The following LMBRD2 variants were observed in gnomAD, a reference collection of about 807,000 sequenced individuals.
The protein encoded by LMBRD2 is LMBR1 domain containing 2, also known as G protein-coupled receptor-associated protein LMBRD2.
LMBRD2 carries 55 observed loss-of-function variants against 94.4 expected under a neutral mutation model. The observed-to-expected ratio is 0.58, with a 90% confidence interval of 0.47 to 0.73. The LOEUF (loss-of-function observed/expected upper bound fraction) is 0.73. Ranked by LOEUF, LMBRD2 falls within the 30% of genes least tolerant of loss-of-function variation. The pLI, the probability that LMBRD2 is intolerant of heterozygous loss-of-function variation, is 0.00. For missense variants in LMBRD2, 640 were observed against 831.9 expected, an observed-to-expected ratio of 0.77 and a Z score of 2.84; for synonymous variants, 246 against 272.4, an observed-to-expected ratio of 0.90 and a Z score of 0.95.
At chr5:36,130,061 T>C (rs905254152) in intron 6 of LMBRD2, among the ~76,000 whole-genome samples, 4 of 151,894 alleles carry the variant, frequency 2.6e-5, no homozygotes, top group Non-Finnish European at 4.4e-5. Flanking sequence ...CGGGGAGGGA[T>C]AGCATTAGGA....
intron 11 of LMBRD2, among the ~76,000 whole-genome samples, chr5:36,115,728 A>G (rs1561513798): frequency 6.6e-6 from 1 of 152,148 alleles, no homozygotes; most frequent in East Asian, 1.9e-4. Context: ...ACACACACAC[A>G]CACACACGAA....
chr5:36,124,348 A>C, intron 6 of LMBRD2, 83 bp from the exon 7 acceptor site: 1 of 715,192 alleles, frequency 1.4e-6, no homozygotes, highest in Non-Finnish European at 2.3e-6. Context: ...GGTACTATAT[A>C]TTTTCTCACA....
At chr5:36,120,519 A>G (rs1317931253) in intron 9 of LMBRD2, among the ~76,000 whole-genome samples, 1 of 152,134 alleles carries the variant, frequency 6.6e-6, no homozygotes. Flanking sequence ...TCGGCCTCCC[A>G]AAGTGCTGGG....
At chr5:36,138,979 T>C (rs1363042136) in intron 4 of LMBRD2, among the ~76,000 whole-genome samples, 2 of 152,128 alleles carry the variant, frequency 1.3e-5, no homozygotes, top group African/African-American at 4.8e-5. Flanking sequence ...TGGCGGGGAC[T>C]GTGCACTCCA....
chr5:36,124,391 C>T, intron 6 of LMBRD2, 126 bp from the exon 7 acceptor site: 1 of 557,974 alleles, frequency 1.8e-6, no homozygotes, highest in Non-Finnish European at 3.2e-6. Context: ...CTTTGCATTA[C>T]ATGAATAAAG....
rs572197493 is a variant in LMBRD2, at chr5:36,099,062, G to A, written c.*4984C>T. On this transcript the variant is annotated 3_prime_UTR_variant, in exon 18 of 18. Transcript: ENST00000296603. ...TTTATTAATGCAATGCAGAAATTAG[G>A]TTTTTGGTATATTAATAATTTGCTT... is the stretch of plus-strand genomic sequence containing the variant. The A allele has an allele frequency of 6.6e-6, 1 of 151,954 alleles. No individual in the cohort carries two copies. Among genetic ancestry groups the A allele is most frequent in the South Asian group, 2.1e-4 (1 of 4,824 alleles). 9.4% of individuals were successfully genotyped at this position (151,954 alleles called of 1,614,324 possible). A position where few individuals can be genotyped will look rare whatever the true frequency, so the allele number is the denominator to read the frequency against.
chr5:36,101,249 T>C lies in LMBRD2; in HGVS notation c.*2797A>G, dbSNP rs148755138. 4.2e-4 allele frequency: 64 copies of C among 152,128 alleles called. No individual in the cohort carries two copies. The highest frequency in any genetic ancestry group is 1.5e-3 in the African/African-American group (62 of 41,576). The allele number at this position is 152,128 out of a possible 1,614,324, so 9.4% of individuals were successfully genotyped here. A position where few individuals can be genotyped will look rare whatever the true frequency, so the allele number is the denominator to read the frequency against. ...TGCTCTATTGATAACAAGTTATTTATGTTGTAAAAGAAGTTAATTAGTAAT... is the reference window on the plus strand; with the variant it reads ...TGCTCTATTGATAACAAGTTATTTACGTTGTAAAAGAAGTTAATTAGTAAT... On this transcript the variant is annotated 3_prime_UTR_variant, in exon 18 of 18. Coordinates refer to ENST00000296603, the MANE Select transcript of LMBRD2 (RefSeq NM_001007527.2).
intron 16 of LMBRD2, among the ~76,000 whole-genome samples, chr5:36,107,226 T>A (rs1021718415): frequency 1.3e-5 from 2 of 152,200 alleles, no homozygotes; most frequent in African/African-American, 4.8e-5. Flanking sequence ...TCTGGTGAAA[T>A]TCCCCCCTAT....
chr5:36,145,897 T>C (rs1222429191), intron 1 of LMBRD2, among the ~76,000 whole-genome samples: 1 of 152,220 alleles, frequency 6.6e-6, no homozygotes, highest in East Asian at 1.9e-4. Flanking sequence ...ATTTGGCACA[T>C]ATTTTTACAT....
chr5:36,147,300 T>TCAA (rs1561525517), intron 1 of LMBRD2, among the ~76,000 whole-genome samples: 4 of 152,130 alleles, frequency 2.6e-5, no homozygotes, highest in Non-Finnish European at 5.9e-5. Flanking sequence ...TCTTTAACCT[T>TCAA]GTGCCAACAT....
At chr5:36,144,942 A>T (rs1744502507) in intron 1 of LMBRD2, among the ~76,000 whole-genome samples, 1 of 152,086 alleles carries the variant, frequency 6.6e-6, no homozygotes, top group South Asian at 2.1e-4. Context: ...ATTTTTCTTA[A>T]TTATCTAAAA....
chr5:36,124,557 A>G (rs573489541), intron 6 of LMBRD2, among the ~76,000 whole-genome samples: 3 of 152,346 alleles, frequency 2.0e-5, no homozygotes, highest in Admixed American at 6.5e-5. Context: ...AGATCAGACA[A>G]ACTTTATGGT....
chr5:36,134,396 T>C (rs1456858449), intron 6 of LMBRD2, among the ~76,000 whole-genome samples: 1 of 152,132 alleles, frequency 6.6e-6, no homozygotes, highest in East Asian at 1.9e-4. Context: ...GGGAAGATGT[T>C]ATGGGTTGAA....
chr5:36,148,279 A>G (rs1744601045), intron 1 of LMBRD2, among the ~76,000 whole-genome samples: 1 of 151,440 alleles, frequency 6.6e-6, no homozygotes, highest in South Asian at 2.1e-4. Flanking sequence ...AATATTTTTT[A>G]AAGGTACCTA....
rs1157222339 is a variant in LMBRD2, at chr5:36,101,280, G to A, written c.*2766C>T. On this transcript the variant is annotated 3_prime_UTR_variant, in exon 18 of 18. Transcript: ENST00000296603. Reference sequence around the variant, plus strand: ...AAAAGAAGTTAATTAGTAATTTAGAGGTGATTCATTAAATTAATAGATTAT... The same window carrying A: ...AAAAGAAGTTAATTAGTAATTTAGAAGTGATTCATTAAATTAATAGATTAT... The A allele has an allele frequency of 2.0e-5, 3 of 151,640 alleles. No homozygotes were observed. The East Asian group carries it at 5.8e-4, about 29-fold the overall frequency. The allele number at this position is 151,640 out of a possible 1,614,324, so 9.4% of individuals were successfully genotyped here.
At chr5:36,123,032 A>G in intron 7 of LMBRD2, 71 bp from the exon 8 acceptor site, 1 of 1,343,066 alleles carries the variant, frequency 7.4e-7, no homozygotes, top group Non-Finnish European at 9.7e-7. Context: ...TTTATTAAAA[A>G]TCTTTCATTC....
chr5:36,108,511 G>T, intron 16 of LMBRD2, 23 bp downstream of exon 16: 1 of 1,257,576 alleles, frequency 8.0e-7, no homozygotes, highest in South Asian at 1.4e-5. Context: ...ATTTCCAAGT[G>T]AACTAGAAGA....
chr5:36,116,140 T>C (rs1743738781), intron 11 of LMBRD2, among the ~76,000 whole-genome samples: 1 of 152,170 alleles, frequency 6.6e-6, no homozygotes, highest in African/African-American at 2.4e-5. Flanking sequence ...CGCTGAATCT[T>C]AGAACACCAT....
At position 36,102,637 on chromosome 5, in the gene LMBRD2, T is replaced by A. The variant is rs1334658509; in HGVS notation, c.*1409A>T. 6.6e-6 allele frequency: 1 copy of A among 151,562 alleles called. No individual in the cohort carries two copies. The highest frequency in any genetic ancestry group is 1.5e-5 in the Non-Finnish European group (1 of 67,718). The allele number at this position is 151,562 out of a possible 1,614,324, so 9.4% of individuals were successfully genotyped here. On this transcript the variant is annotated 3_prime_UTR_variant, in exon 18 of 18. Coordinates refer to ENST00000296603, the MANE Select transcript of LMBRD2 (RefSeq NM_001007527.2). ...CTTTCAATATCTGCATAGAGCTGTG[T>A]TTTAAAAAAAAACTTACATGATAAT... is the stretch of plus-strand genomic sequence containing the variant.
Sources: allele counts gnomAD v4.1 joint callset (sites outside exome capture counted in the v4.1 genomes callset), GRCh38; gene constraint gnomAD v4.1.1; transcripts MANE v1.5; gene names NCBI Gene and HGNC (gene_info 2026-07-23, HGNC 2026-07-21).